Variants in PPHLN1 observed in about 807,000 individuals in gnomAD.
The protein encoded by PPHLN1 is periphilin-1.
Under a neutral mutation model 51.3 loss-of-function variants are expected in PPHLN1, and 29 were observed. The ratio of observed to expected loss-of-function variants is 0.57; its 90% confidence interval spans 0.42 to 0.77. The LOEUF is 0.77. Among genes scored for constraint, PPHLN1 ranks in the 30% least tolerant of loss-of-function variants. The probability of loss-of-function intolerance (pLI) is 0.00; values close to 1 mark genes in which losing one functional copy is unlikely to be tolerated. For synonymous variants in PPHLN1, 147 were observed against 147.8 expected, an observed-to-expected ratio of 0.99 and a Z score of 0.04; for missense variants, 436 against 438.4, an observed-to-expected ratio of 0.99 and a Z score of 0.05.
At chr12:42,447,867 A>T (rs1189103836), downstream of PPHLN1, 2 of 152,134 alleles carry the variant, frequency 1.3e-5, no homozygotes, top group Non-Finnish European at 1.5e-5. Context: ...ATTTTTTTTT[A>T]ATTTCCTAAA....
chr12:42,417,934 TTTTTTTTTG>T lies in PPHLN1; in HGVS notation c.909+18949_909+18957del, dbSNP rs1565989052. Among the ~76,000 whole-genome samples the T allele has an allele frequency of 6.5e-3, 266 of 40,806 alleles. 13 individuals carry two copies. The highest frequency in any genetic ancestry group is 8.9e-3 in the Non-Finnish European group (110 of 12,350). The allele number at this position is 40,806 out of a possible 152,430, so 26.8% of individuals were successfully genotyped here. ...AAAAAGCCCTAGTTTTTTTTTTTGT[TTTTTTTTTG>T]TTTTTTTTTTTTTTGAGACAGAGTC... On this transcript the variant is annotated intron_variant, in intron 9 of 9. Coordinates refer to ENST00000358314, the MANE Select transcript of PPHLN1 (RefSeq NM_201439.2).
intron 8 of PPHLN1, among the ~76,000 whole-genome samples, chr12:42,395,514 T>A (rs1403823636): frequency 6.6e-6 from 1 of 152,202 alleles, no homozygotes. Context: ...TTTAGCTTAT[T>A]AATATTTTGC....
downstream of PPHLN1, chr12:42,444,933 T>C (rs1223159195): frequency 3.2e-6 from 2 of 627,264 alleles, no homozygotes; most frequent in African/African-American, 3.7e-5. Context: ...TCCATCGAGA[T>C]TTACTAGTAC....
At chr12:42,402,668 G>C (rs924103624) in intron 9 of PPHLN1, among the ~76,000 whole-genome samples, 5 of 149,994 alleles carry the variant, frequency 3.3e-5, no homozygotes, top group Non-Finnish European at 7.4e-5. Flanking sequence ...AGAATTTTAA[G>C]TTTTTTTTTT....
At chr12:42,329,024 T>G (rs1049157099) in intron 1 of PPHLN1, among the ~76,000 whole-genome samples, 2 of 150,346 alleles carry the variant, frequency 1.3e-5, no homozygotes, top group Admixed American at 6.6e-5. Context: ...CCAGCATCAG[T>G]TAATTTTTTT....
chr12:42,371,583 T>G (rs534435403), intron 4 of PPHLN1, among the ~76,000 whole-genome samples: 60 of 152,232 alleles, frequency 3.9e-4, no homozygotes, highest in Non-Finnish European at 7.5e-4. Flanking sequence ...AATCTGTTAC[T>G]GCTTTTTCTA....
At chr12:42,332,720 G>A (rs758211998) in intron 1 of PPHLN1, 2 of 1,410,346 alleles carry the variant, frequency 1.4e-6, no homozygotes, top group East Asian at 2.3e-5. Flanking sequence ...TAGTATAGTA[G>A]TATTTAATAT....
chr12:42,393,712 T>A, intron 8 of PPHLN1, 23 bp downstream of exon 8: 1 of 1,559,908 alleles, frequency 6.4e-7, no homozygotes, highest in Non-Finnish European at 8.6e-7. Context: ...GTCTCCTTTA[T>A]GTTTCACATC....
At chr12:42,330,519 T>C (rs1321995289) in intron 1 of PPHLN1, among the ~76,000 whole-genome samples, 5 of 152,184 alleles carry the variant, frequency 3.3e-5, no homozygotes, top group Admixed American at 2.6e-4. Flanking sequence ...GAATGGAGAA[T>C]GGTGATGACT....
At chr12:42,436,015 A>G (rs2082448152) in intron 9 of PPHLN1, among the ~76,000 whole-genome samples, 1 of 152,246 alleles carries the variant, frequency 6.6e-6, no homozygotes, top group South Asian at 2.1e-4. Flanking sequence ...ATATAGTCAC[A>G]TATGGCTAGT....
At chr12:42,340,983 C>CT (rs552090682) in intron 2 of PPHLN1, among the ~76,000 whole-genome samples, 3,246 of 131,024 alleles carry the variant, frequency 0.025, 117 homozygotes, top group East Asian at 0.1. Context: ...TTCTTTCTTT[C>CT]TTTTTTTTTT....
At chr12:42,380,394 G>C (rs1319935435) in intron 5 of PPHLN1, among the ~76,000 whole-genome samples, 1 of 151,874 alleles carries the variant, frequency 6.6e-6, no homozygotes, top group East Asian at 1.9e-4. Flanking sequence ...AAGAATAGAA[G>C]ATATTTTTTA....
chr12:42,338,033 C>T (rs545812568), intron 2 of PPHLN1, among the ~76,000 whole-genome samples: 1 of 152,232 alleles, frequency 6.6e-6, no homozygotes, highest in East Asian at 1.9e-4. Context: ...ATCCACCCCC[C>T]TCAGCCTCCC....
chr12:42,384,835 G>A (rs147316041), intron 5 of PPHLN1, 105 bp from the exon 6 acceptor site: 2 of 1,070,968 alleles, frequency 1.9e-6, no homozygotes, highest in Non-Finnish European at 2.8e-6. Flanking sequence ...ACCAGAAAAT[G>A]CTCAGAAGCC....
rs2140008940 is a variant in PPHLN1 at position 42,441,541 on chromosome 12, AC to A, written c.*33del. 3 of 1,497,318 alleles carry A rather than the reference AC, an allele frequency of 2.0e-6. No individual in the cohort carries two copies. Among genetic ancestry groups the A allele is most frequent in the Admixed American group, 2.4e-5 (1 of 41,474 alleles). The allele number at this position is 1,497,318 out of a possible 1,614,324, so 92.8% of individuals were successfully genotyped here. ...CTGCTCAGGCTAAAAAAAAAAAAAAACAGTTTCTAAAAATTTTTTTTCCTGG... is the reference window on the plus strand; with the variant it reads ...CTGCTCAGGCTAAAAAAAAAAAAAAAAGTTTCTAAAAATTTTTTTTCCTGG... On this transcript the variant is annotated 3_prime_UTR_variant, in exon 10 of 10. Transcript: ENST00000358314.
downstream of PPHLN1, chr12:42,448,358 ATTTT>A (rs34304769): frequency 4.6e-5 from 6 of 131,604 alleles, no homozygotes; most frequent in Admixed American, 7.6e-5. Flanking sequence ...AATCTATTTG[ATTTT>A]TTTTTTTTTT....
At chr12:42,338,453 G>T (rs1482164058) in intron 2 of PPHLN1, among the ~76,000 whole-genome samples, 1 of 152,150 alleles carries the variant, frequency 6.6e-6, no homozygotes, top group African/African-American at 2.4e-5. Context: ...ACACCATTTG[G>T]TGTTGGCTGA....
At chr12:42,377,102 C>T (rs1272514453) in intron 5 of PPHLN1, among the ~76,000 whole-genome samples, 1 of 133,190 alleles carries the variant, frequency 7.5e-6, no homozygotes, top group South Asian at 2.4e-4. Flanking sequence ...GGCTTTTTTG[C>T]GATTTTTTTT....
chr12:42,379,506 T>C (rs773045466), intron 5 of PPHLN1, among the ~76,000 whole-genome samples: 3 of 152,006 alleles, frequency 2.0e-5, no homozygotes, highest in Non-Finnish European at 4.4e-5. Flanking sequence ...TTATTTGTCA[T>C]GGTTTCCAGA....
Sources: gnomAD v4.1 joint callset for allele counts (sites outside exome capture counted in the v4.1 genomes callset) on GRCh38, gnomAD v4.1.1 for gene constraint, MANE v1.5 for transcripts, NCBI Gene and HGNC (gene_info 2026-07-23, HGNC 2026-07-21) for gene names.